Variants in PLCH1 observed in about 807,000 individuals in gnomAD.
PLCH1 encodes the protein phospholipase C eta 1.
PLCH1 carries 60 observed loss-of-function variants against 126.7 expected under a neutral mutation model. The ratio of observed to expected loss-of-function variants is 0.47; its 90% CI spans 0.38 to 0.59. PLCH1 has a LOEUF of 0.59. PLCH1 is among the 20% of genes least tolerant of loss of function. The pLI is 0.00. For synonymous variants in PLCH1, 719 were observed against 734.9 expected (o/e 0.98, Z 0.35); for missense variants, 1,723 against 2,040.0 (o/e 0.84, Z 2.99).
chr3:155,522,331 C>T (rs897896648), intron 11 of PLCH1, among the ~76,000 whole-genome samples: 2 of 152,098 alleles, frequency 1.3e-5, no homozygotes, highest in Non-Finnish European at 1.5e-5. Context: ...TATAATGACA[C>T]CTCAAGCATA....
rs142663744 is a variant in PLCH1 at position 155,708,680 on chromosome 3, G to T, written c.-40-4416C>A. Among the ~76,000 whole-genome samples, 777 of 152,206 alleles carry T rather than the reference G, an allele frequency of 5.1e-3. 7 individuals carry two copies. The highest frequency in any genetic ancestry group is 0.018 in the African/African-American group (739 of 41,530). On this transcript the variant is annotated intron_variant, in intron 1 of 22. Transcript: ENST00000460012. ...TGCATCTTGTATCCAGTTTGAAGTT[G>T]TTTGGTCAATATTCAGGCAAGGATG...
intron 22 of PLCH1, among the ~76,000 whole-genome samples, chr3:155,484,577 A>G (rs1387180242): frequency 6.6e-6 from 1 of 152,242 alleles, no homozygotes; most frequent in Non-Finnish European, 1.5e-5. Context: ...TAATTAAAAC[A>G]TATTTGTTGC....
intron 3 of PLCH1, among the ~76,000 whole-genome samples, chr3:155,594,817 A>C (rs1343413801): frequency 1.3e-5 from 2 of 152,238 alleles, no homozygotes; most frequent in Admixed American, 1.3e-4. Context: ...GGTGGCAATG[A>C]CTATGTCAAA....
chr3:155,543,718 A>G (rs1477026249), intron 10 of PLCH1, among the ~76,000 whole-genome samples: 1 of 151,812 alleles, frequency 6.6e-6, no homozygotes, highest in Non-Finnish European at 1.5e-5. Flanking sequence ...GCCAGAAGAG[A>G]GTGGGGGCCA....
At chr3:155,603,505 T>G (rs2108687420) in intron 2 of PLCH1, among the ~76,000 whole-genome samples, 1 of 152,278 alleles carries the variant, frequency 6.6e-6, no homozygotes, top group South Asian at 2.1e-4. Flanking sequence ...CTGCCCACAG[T>G]TTTGTGGGCA....
At chr3:155,557,870 C>A (rs1727041673) in intron 8 of PLCH1, among the ~76,000 whole-genome samples, 1 of 152,134 alleles carries the variant, frequency 6.6e-6, no homozygotes, top group Non-Finnish European at 1.5e-5. Flanking sequence ...CCAGAGATAA[C>A]TGGAGAAGTC....
chr3:155,542,202 G>A (rs899253961), intron 10 of PLCH1, among the ~76,000 whole-genome samples: 21 of 152,174 alleles, frequency 1.4e-4, no homozygotes, highest in African/African-American at 4.1e-4. Flanking sequence ...CTTTTCCGAC[G>A]GGCTTAAAAA....
chr3:155,561,658 A>T (rs1727648214), intron 8 of PLCH1, among the ~76,000 whole-genome samples: 1 of 152,016 alleles, frequency 6.6e-6, no homozygotes, highest in African/African-American at 2.4e-5. Context: ...CAGTAATGGG[A>T]TGGCTGGGTC....
intron 8 of PLCH1, among the ~76,000 whole-genome samples, chr3:155,556,958 G>A (rs1726895956): frequency 6.6e-6 from 1 of 151,998 alleles, no homozygotes; most frequent in Admixed American, 6.6e-5. Context: ...CTAAACACTG[G>A]CTGTTCAAAT....
intron 2 of PLCH1, among the ~76,000 whole-genome samples, chr3:155,604,092 C>T (rs1360363430): frequency 5.9e-5 from 9 of 152,028 alleles, no homozygotes. Flanking sequence ...GAGCAAGACC[C>T]TAGACTCAAT....
chr3:155,578,406 T>C (rs1245094501), intron 6 of PLCH1, among the ~76,000 whole-genome samples: 1 of 152,224 alleles, frequency 6.6e-6, no homozygotes, highest in African/African-American at 2.4e-5. Context: ...CTAAAACATA[T>C]GTGATTATGA....
In PLCH1 at chr3:155,460,158, G is replaced by C. The variant is rs550986362; in HGVS notation, c.2938+25198C>G. 3.9e-5 allele frequency among the ~76,000 whole-genome samples: 6 copies of C among 152,298 alleles called. No individual in the cohort carries two copies. In the South Asian group the frequency reaches 1.2e-3, roughly 32 times the overall value. On this transcript the variant is annotated intron_variant, in intron 21 of 21. Coordinates refer to the PLCH1 transcript ENST00000494598. ...ATGATGCTGGACAGTATAATGGACA[G>C]TTGCAATTTCTAGTTACTAGATCTA...
At chr3:155,469,256 TCA>T (rs982867813) in intron 21 of PLCH1, among the ~76,000 whole-genome samples, 92 of 152,248 alleles carry the variant, frequency 6.0e-4, no homozygotes, top group African/African-American at 2.0e-3. Flanking sequence ...AGGCATTGCC[TCA>T]CTTGGGAAGC....
chr3:155,708,828 A>G lies in PLCH1; in HGVS notation c.-40-4564T>C, dbSNP rs556065508. 7.2e-5 allele frequency among the ~76,000 whole-genome samples: 11 copies of G among 152,292 alleles called. 1 individual carries two copies. The South Asian group carries it at 2.3e-3, about 32-fold the overall frequency. ...CATTCAGAACTCGATAAGCATTTACATCTTATAAATAGAACCTGCAGATTT... is the reference window on the plus strand; with the variant it reads ...CATTCAGAACTCGATAAGCATTTACGTCTTATAAATAGAACCTGCAGATTT... On this transcript the variant is annotated intron_variant, in intron 1 of 22. Transcript: ENST00000460012.
chr3:155,633,346 C>CA lies in PLCH1; in HGVS notation c.80-36969dup, dbSNP rs367695398. Among the ~76,000 whole-genome samples, 637 of 133,400 alleles carry CA rather than the reference C, an allele frequency of 4.8e-3. 2 individuals are homozygous for CA. Among genetic ancestry groups the CA allele is most frequent in the Admixed American group, 5.9e-3 (79 of 13,432 alleles). The allele number at this position is 133,400 out of a possible 152,430, so 87.5% of individuals were successfully genotyped here. A position where few individuals can be genotyped will look rare whatever the true frequency, so the allele number is the denominator to read the frequency against. On this transcript the variant is annotated intron_variant, in intron 2 of 22. Coordinates refer to ENST00000460012, the MANE Select transcript of PLCH1 (RefSeq NM_014996.4). ...CTCCTTGAAACAGTTTAGTTTTCTT[C>CA]AAAAAAAAAAAAACCTACTCTTTCC...
chr3:155,655,099 C>T (rs1741195640), intron 2 of PLCH1, among the ~76,000 whole-genome samples: 1 of 152,156 alleles, frequency 6.6e-6, no homozygotes, highest in South Asian at 2.1e-4. Context: ...GGCTTCTACT[C>T]AAATATCACC....
chr3:155,711,447 A>G (rs1747118663), intron 1 of PLCH1, among the ~76,000 whole-genome samples: 1 of 152,184 alleles, frequency 6.6e-6, no homozygotes, highest in Non-Finnish European at 1.5e-5. Context: ...TTAACTAAGA[A>G]AAGTGGGAAG....
rs1576778524 is a variant in PLCH1, at chr3:155,481,087, C to T, written c.4939G>A (p.Gly1647Arg). The change falls in exon 23 of 23, where the codon GGG becomes AGG. Residue 1647 changes from glycine (G) to arginine (R), a missense_variant. Gly to Arg is a moderately radical substitution (Grantham distance 125). This residue lies in a region of PLCH1 where 947 missense variants were observed against 977.1 expected (regional missense o/e 0.97). Transcript: ENST00000460012. The surrounding 1 kb of genome is among the most constrained non-coding windows in gnomAD (Gnocchi z 4.2). ...GGLEGRGIPE[G>R]ACTALHYGHV... The stretch of plus-strand genomic sequence containing the variant: ...CCATAGTGAAGAGCCGTGCATGCCC[C>T]CTCTGGGATGCCCCGGCCTTCAAGG... The T allele has an allele frequency of 2.5e-6, 4 of 1,614,080 alleles. No homozygotes were observed. The African/African-American group carries it at 5.3e-5, about 22-fold the overall frequency.
chr3:155,493,924 G>T (rs1716622125), intron 17 of PLCH1, among the ~76,000 whole-genome samples: 1 of 152,028 alleles, frequency 6.6e-6, no homozygotes, highest in African/African-American at 2.4e-5. Context: ...GACCTCTCAA[G>T]ATAACATTCT....
Sources: allele counts gnomAD v4.1 joint callset (sites outside exome capture counted in the v4.1 genomes callset), GRCh38; gene constraint gnomAD v4.1.1; regional missense constraint gnomAD v4.1.1; non-coding constraint Gnocchi (gnomAD v3.1); transcripts MANE v1.5; gene names NCBI Gene and HGNC (gene_info 2026-07-23, HGNC 2026-07-21).